SPMAP2L: variants seen among roughly 807,000 people sequenced by gnomAD.
SPMAP2L encodes the protein sperm microtubule associated protein 2-like.
At chr4:56,590,480 G>A in the SPMAP2L span, among the ~76,000 whole-genome samples, 1 of 152,170 alleles carries the variant, frequency 6.6e-6, no homozygotes. Flanking sequence ...ACTTTTTGCA[G>A]CTACCATTTA....
chr4:56,552,490 T>C, the SPMAP2L span: 2 of 850,178 alleles, frequency 2.4e-6, no homozygotes, highest in Non-Finnish European at 3.7e-6. Flanking sequence ...GCAGGAGTCA[T>C]CTAATGTAAC....
At chr4:56,547,543 G>T in the SPMAP2L span, among the ~76,000 whole-genome samples, 1 of 152,154 alleles carries the variant, frequency 6.6e-6, no homozygotes, top group Non-Finnish European at 1.5e-5. Flanking sequence ...ACTGCACGAG[G>T]CTGTTTATCA....
chr4:56,544,282 C>T, the SPMAP2L span, among the ~76,000 whole-genome samples: 2,659 of 152,226 alleles, frequency 0.017, 81 homozygotes, highest in African/African-American at 0.06. Context: ...AACCACCGTG[C>T]CCGGCCCCAA....
chr4:56,612,466 A>G, the SPMAP2L span, among the ~76,000 whole-genome samples: 1 of 150,646 alleles, frequency 6.6e-6, no homozygotes, highest in South Asian at 2.1e-4. Context: ...CTCAGTGACT[A>G]CAGGCATGAG....
chr4:56,543,013 T>TA, the SPMAP2L span, among the ~76,000 whole-genome samples: 28 of 148,354 alleles, frequency 1.9e-4, no homozygotes, highest in Admixed American at 1.3e-3. Context: ...AGTAGGAACT[T>TA]AAAAAAAAAA....
chr4:56,531,119 C>G, the SPMAP2L span: 101 of 1,535,238 alleles, frequency 6.6e-5, no homozygotes, highest in Non-Finnish European at 8.4e-5. Context: ...ATGATCTCCC[C>G]CTCTCTGATC....
chr4:56,607,717 G>T, the SPMAP2L span, among the ~76,000 whole-genome samples: 6,567 of 152,152 alleles, frequency 0.043, 333 homozygotes, highest in African/African-American at 0.12. Context: ...CCTGGGCATG[G>T]TGGCTCCCGG....
the SPMAP2L span, chr4:56,601,117 A>G: frequency 1.3e-6 from 2 of 1,531,180 alleles, no homozygotes; most frequent in Non-Finnish European, 1.7e-6. Flanking sequence ...GAGGTATGTC[A>G]ATTTCAGGCT....
chr4:56,586,543 A>T, the SPMAP2L span, among the ~76,000 whole-genome samples: 2 of 152,120 alleles, frequency 1.3e-5, no homozygotes, highest in Non-Finnish European at 2.9e-5. Context: ...AGGGACACAA[A>T]CAGTCAGTCC....
the SPMAP2L span, chr4:56,593,024 A>C: frequency 2.5e-5 from 40 of 1,597,394 alleles, no homozygotes; most frequent in Middle Eastern, 3.6e-4. Context: ...TCTGCATGCC[A>C]TTTCAAGCAA....
the SPMAP2L span, chr4:56,575,633 T>C: frequency 1.3e-6 from 2 of 1,535,372 alleles, no homozygotes; most frequent in South Asian, 1.2e-5. Context: ...AGACAGTGTC[T>C]ACTAAATAGG....
At chr4:56,577,136 G>A in the SPMAP2L span, among the ~76,000 whole-genome samples, 8 of 150,350 alleles carry the variant, frequency 5.3e-5, no homozygotes, top group South Asian at 1.7e-3. Flanking sequence ...GAGGTGTGGT[G>A]GCTCACGCCT....
At chr4:56,596,768 C>A in the SPMAP2L span, 2 of 984,622 alleles carry the variant, frequency 2.0e-6, no homozygotes, top group South Asian at 2.4e-5. Flanking sequence ...GGAAGAGAGA[C>A]TAGCTAGATG....
chr4:56,604,338 T>C, the SPMAP2L span, among the ~76,000 whole-genome samples: 1 of 152,172 alleles, frequency 6.6e-6, no homozygotes, highest in Non-Finnish European at 1.5e-5. Flanking sequence ...TAATAAAGTA[T>C]ATATTTGAAA....
At chr4:56,558,379 C>T in the SPMAP2L span, among the ~76,000 whole-genome samples, 1 of 152,118 alleles carries the variant, frequency 6.6e-6, no homozygotes, top group Non-Finnish European at 1.5e-5. Context: ...TCCTCAGTGA[C>T]TTTTGTTCAT....
At chr4:56,559,669 G>A in the SPMAP2L span, 3 of 742,298 alleles carry the variant, frequency 4.0e-6, no homozygotes, top group Admixed American at 1.4e-4. Flanking sequence ...CCAGGTTCAT[G>A]CGATTCTCCT....
the SPMAP2L span, among the ~76,000 whole-genome samples, chr4:56,589,736 G>A: frequency 1.4e-5 from 2 of 147,830 alleles, no homozygotes; most frequent in Non-Finnish European, 3.0e-5. Context: ...TTGTTTTTGT[G>A]TGTGGGGGGG....
the SPMAP2L span, among the ~76,000 whole-genome samples, chr4:56,556,547 C>A: frequency 6.6e-6 from 1 of 152,108 alleles, no homozygotes; most frequent in Non-Finnish European, 1.5e-5. Context: ...TGGACAGACT[C>A]ATTTGGGATT....
the SPMAP2L span, among the ~76,000 whole-genome samples, chr4:56,567,170 T>C: frequency 6.6e-6 from 1 of 152,140 alleles, no homozygotes; most frequent in African/African-American, 2.4e-5. Flanking sequence ...TTACCGGCAT[T>C]CTTACCATTT....
Sources: allele counts gnomAD v4.1 joint callset (sites outside exome capture counted in the v4.1 genomes callset), GRCh38; gene constraint gnomAD v4.1.1; transcripts MANE v1.5; gene names NCBI Gene and HGNC (gene_info 2026-07-23, HGNC 2026-07-21).